Variants in KMT2C observed in about 807,000 individuals in gnomAD.
KMT2C encodes the protein lysine methyltransferase 2C, also known as histone-lysine N-methyltransferase 2C.
KMT2C carries 88 observed loss-of-function variants against 507.9 expected under a neutral mutation model. The observed-to-expected ratio is 0.17, with a 90% CI of 0.15 to 0.21. The LOEUF (loss-of-function observed/expected upper bound fraction) is 0.21, where lower values mean the gene tolerates loss of function less well. Ranked by LOEUF, KMT2C falls within the 10% of genes least tolerant of loss-of-function variation. KMT2C has a pLI of 1.00. For synonymous variants in KMT2C, 2,049 were observed against 2,080.8 expected (o/e 0.98, Z 0.42); for missense variants, 4,954 against 5,957.8 (o/e 0.83, Z 5.55).
chr7:152,314,579 G>GGGGA (rs1283062357), intron 4 of KMT2C, among the ~76,000 whole-genome samples: 16 of 151,910 alleles, frequency 1.1e-4, no homozygotes, highest in Non-Finnish European at 2.9e-5. Context: ...AGGGAAGGCA[G>GGGGA]GGGAGGGAGG....
At chr7:152,323,858 C>T (rs1475349501) in intron 3 of KMT2C, among the ~76,000 whole-genome samples, 1 of 149,498 alleles carries the variant, frequency 6.7e-6, no homozygotes, top group East Asian at 2.0e-4. Context: ...GAGAGAGAAG[C>T]GGGAGGGACC....
intron 12 of KMT2C, 80 bp downstream of exon 12, chr7:152,250,772 GA>G: frequency 1.3e-6 from 1 of 767,506 alleles, no homozygotes; most frequent in Non-Finnish European, 2.2e-6. Context: ...GGCTTTTACT[GA>G]AGTTTTAGTC....
intron 1 of KMT2C, among the ~76,000 whole-genome samples, chr7:152,374,542 CAA>C (rs1421703871): frequency 6.6e-6 from 1 of 151,978 alleles, no homozygotes; most frequent in Non-Finnish European, 1.5e-5. Flanking sequence ...ACCAAATTAG[CAA>C]AGAGTGATAA....
chr7:152,372,513 G>A (rs1361403784), intron 1 of KMT2C, among the ~76,000 whole-genome samples: 1 of 152,100 alleles, frequency 6.6e-6, no homozygotes, highest in Non-Finnish European at 1.5e-5. Context: ...ACTCTCTTTA[G>A]CTTTAAAGGA....
chr7:152,318,061 C>T (rs1221426009), intron 3 of KMT2C, among the ~76,000 whole-genome samples: 1 of 151,856 alleles, frequency 6.6e-6, no homozygotes, highest in Non-Finnish European at 1.5e-5. Flanking sequence ...TCACTTAAAC[C>T]CAGGAGGCGG....
chr7:152,383,607 G>A (rs1247814788), intron 1 of KMT2C, among the ~76,000 whole-genome samples: 1 of 152,284 alleles, frequency 6.6e-6, no homozygotes, highest in African/African-American at 2.4e-5. Flanking sequence ...TAAGAAGGGG[G>A]TCATAAAACC....
At chr7:152,416,596 C>CG (rs1385033420) in intron 1 of KMT2C, among the ~76,000 whole-genome samples, 3 of 147,378 alleles carry the variant, frequency 2.0e-5, no homozygotes, top group Non-Finnish European at 4.5e-5. Context: ...CATGGTAGCG[C>CG]GCCTGTAATC....
At chr7:152,194,852 A>G (rs543621325) in intron 28 of KMT2C, among the ~76,000 whole-genome samples, 1 of 152,230 alleles carries the variant, frequency 6.6e-6, no homozygotes, top group South Asian at 2.1e-4. Context: ...CCTGCCAAAA[A>G]AAAAAAAAAG....
chr7:152,248,699 G>A, intron 13 of KMT2C, 79 bp from the exon 14 acceptor site: 1 of 804,896 alleles, frequency 1.2e-6, no homozygotes, highest in South Asian at 1.9e-5. Flanking sequence ...TAAAACATTT[G>A]GCTACACTAG....
In KMT2C at chr7:152,264,697, G is replaced by C. The variant is rs1397656754; in HGVS notation, c.1184+341C>G. ...GAAAAACTACTTTATTCTTCTGTTTGTTTTAAATTGTTAATATCGCTTATT... is the reference window on the plus strand; with the variant it reads ...GAAAAACTACTTTATTCTTCTGTTTCTTTTAAATTGTTAATATCGCTTATT... On this transcript the variant is annotated intron_variant, in intron 8 of 58. Transcript: ENST00000262189. 2.0e-5 allele frequency among the ~76,000 whole-genome samples: 3 copies of C among 152,000 alleles called. No individual in the cohort carries two copies. In the East Asian group the frequency reaches 5.8e-4, roughly 29 times the overall value.
intron 1 of KMT2C, among the ~76,000 whole-genome samples, chr7:152,364,682 G>T (rs2097224695): frequency 6.6e-6 from 1 of 150,712 alleles, no homozygotes; most frequent in South Asian, 2.1e-4. Flanking sequence ...GATTAGAAAT[G>T]ACAAAAGAAG....
Position 152,158,717 on chromosome 7 carries a change from T to C in KMT2C, c.11670+146A>G, listed in dbSNP as rs1463726358. On this transcript the variant is annotated intron_variant, in intron 44 of 58. Coordinates refer to ENST00000262189, the MANE Select transcript of KMT2C (RefSeq NM_170606.3). ...TTTTCGTAGAGATGAGGTTTTGCCA[T>C]GTTGGCTAAGCTCATCTAGAACTCA... 1.7e-5 allele frequency: 12 copies of C among 717,506 alleles called. No individual in the cohort carries two copies. The Admixed American group carries it at 1.8e-4, about 11-fold the overall frequency. 44.4% of individuals were successfully genotyped at this position (717,506 alleles called of 1,614,324 possible).
At chr7:152,142,510 G>A (rs1471201291) in intron 55 of KMT2C, among the ~76,000 whole-genome samples, 1 of 152,222 alleles carries the variant, frequency 6.6e-6, no homozygotes, top group Admixed American at 6.5e-5. Context: ...TGTGCAGTAA[G>A]AGACTTTTTA....
In KMT2C at chr7:152,252,109, TTAAA is replaced by T; in HGVS notation, c.1470-23_1470-20del. ...AACCCACCTGCAGTGATAAGTATAC[TTAAA>T]TAAAAATTTCTAACATCGAGTTATT... is the stretch of plus-strand genomic sequence containing the variant. On this transcript the variant is annotated intron_variant, in intron 10 of 58. Transcript: ENST00000262189. 2 of 1,545,272 alleles carry T rather than the reference TTAAA, an allele frequency of 1.3e-6. No homozygotes were observed. Among genetic ancestry groups the T allele is most frequent in the Middle Eastern group, 1.7e-4 (1 of 5,784 alleles).
chr7:152,169,858 A>C (rs1432969349), intron 40 of KMT2C, among the ~76,000 whole-genome samples: 1 of 152,220 alleles, frequency 6.6e-6, no homozygotes, highest in Non-Finnish European at 1.5e-5. Context: ...AAAATAAAAA[A>C]AATAAATAAA....
At chr7:152,332,891 C>CACACACACACACACAA (rs1554652303) in intron 2 of KMT2C, among the ~76,000 whole-genome samples, 5 of 149,646 alleles carry the variant, frequency 3.3e-5, no homozygotes, top group African/African-American at 1.2e-4. Context: ...CACACACACA[C>CACACACACACACACAA]AAATTATTCT....
chr7:152,204,452 A>T (rs1347127279), intron 25 of KMT2C, among the ~76,000 whole-genome samples: 1 of 152,112 alleles, frequency 6.6e-6, no homozygotes, highest in Non-Finnish European at 1.5e-5. Flanking sequence ...AAAATTAGCT[A>T]GGCATGGTGG....
intron 50 of KMT2C, 26 bp from the exon 51 acceptor site, chr7:152,151,033 GA>G: frequency 2.2e-6 from 3 of 1,385,770 alleles, no homozygotes; most frequent in Non-Finnish European, 3.0e-6. Flanking sequence ...AAATGTGTGG[GA>G]ATCTCAACAA....
chr7:152,260,292 A>G (rs1027265246), intron 9 of KMT2C, among the ~76,000 whole-genome samples: 2 of 152,234 alleles, frequency 1.3e-5, no homozygotes, highest in African/African-American at 4.8e-5. Flanking sequence ...AGCAGATTAC[A>G]AAGAGCAAAT....
Sources: gnomAD v4.1 joint callset for allele counts (sites outside exome capture counted in the v4.1 genomes callset) on GRCh38, gnomAD v4.1.1 for gene constraint, MANE v1.5 for transcripts, NCBI Gene and HGNC (gene_info 2026-07-23, HGNC 2026-07-21) for gene names.